CRACR2A: variants seen among roughly 807,000 people sequenced by gnomAD.
CRACR2A encodes the protein EF-hand calcium-binding domain-containing protein 4B.
A neutral mutation model predicts 90.5 loss-of-function variants in CRACR2A; 79 were observed. The ratio of observed to expected loss-of-function variants is 0.87; its 90% CI spans 0.73 to 1.05. The LOEUF (loss-of-function observed/expected upper bound fraction) is 1.05, where lower values mean the gene tolerates loss of function less well. Among genes scored for constraint, CRACR2A ranks in the 50% least tolerant of loss-of-function variants. The pLI is 0.00. For synonymous variants in CRACR2A, 338 were observed against 356.7 expected, an observed-to-expected ratio of 0.95 and a Z score of 0.59; for missense variants, 823 against 897.2, an observed-to-expected ratio of 0.92 and a Z score of 1.06.
chr12:3,689,148 C>A (rs547676060), intron 4 of CRACR2A, among the ~76,000 whole-genome samples: 1 of 152,238 alleles, frequency 6.6e-6, no homozygotes, highest in South Asian at 2.1e-4. Context: ...ACAGGGATAG[C>A]TTGACTTCCT....
intron 15 of CRACR2A, among the ~76,000 whole-genome samples, chr12:3,628,177 CTCTT>C (rs1354625347): frequency 1.8e-4 from 26 of 146,602 alleles, no homozygotes; most frequent in East Asian, 8.6e-4. Flanking sequence ...CTTTCTTTCT[CTCTT>C]TCTTTCTCTC....
At chr12:3,642,595 C>T (rs985517942) in intron 12 of CRACR2A, among the ~76,000 whole-genome samples, 8 of 152,326 alleles carry the variant, frequency 5.3e-5, no homozygotes, top group African/African-American at 1.4e-4. Flanking sequence ...TGGCTCCAAT[C>T]CCTTTTTATT....
intron 9 of CRACR2A, 91 bp downstream of exon 9, chr12:3,656,220 C>T: frequency 7.8e-7 from 1 of 1,280,546 alleles, no homozygotes; most frequent in Non-Finnish European, 1.1e-6. Flanking sequence ...ACTCAAAAGT[C>T]CTTAAGTGAA....
chr12:3,721,585 C>A (rs370380539), intron 2 of CRACR2A, among the ~76,000 whole-genome samples: 509 of 113,384 alleles, frequency 4.5e-3, no homozygotes, highest in South Asian at 5.4e-3. Flanking sequence ...AATCATGTCT[C>A]AAAAAAAAAA....
rs773387612 is a variant in CRACR2A at position 3,654,362 on chromosome 12, T to C, written c.896A>G (p.His299Arg). 1 of 1,613,168 alleles carries C rather than the reference T, an allele frequency of 6.2e-7. No individual in the cohort carries two copies. The highest frequency in any genetic ancestry group is 1.7e-5 in the Admixed American group (1 of 59,706). ...GQCTALHHDKHETKAENTKLK... is the reference protein window; with the variant it reads ...GQCTALHHDKRETKAENTKLK... ...CTTGGTATTCTCAGCCTTGGTCTCATGCTTGTCATGATGCAGGGCTGTGCA... is the reference window on the plus strand; with the variant it reads ...CTTGGTATTCTCAGCCTTGGTCTCACGCTTGTCATGATGCAGGGCTGTGCA... The change falls in exon 10 of 20, where the codon CAT (histidine) becomes CGT (arginine). Residue 299 changes from histidine (H) to arginine (R), a missense_variant. Transcript: ENST00000440314.
At chr12:3,747,802 T>A (rs1946648340) in intron 1 of CRACR2A, among the ~76,000 whole-genome samples, 1 of 152,198 alleles carries the variant, frequency 6.6e-6, no homozygotes, top group African/African-American at 2.4e-5. Context: ...GGTGCACCTG[T>A]AGCACGTGTG....
intron 5 of CRACR2A, among the ~76,000 whole-genome samples, chr12:3,679,809 T>C (rs1447842378): frequency 6.6e-6 from 1 of 152,252 alleles, no homozygotes; most frequent in African/African-American, 2.4e-5. Flanking sequence ...ATTCCTCTGA[T>C]AGCTGTTATC....
intron 3 of CRACR2A, among the ~76,000 whole-genome samples, chr12:3,709,747 GGCCT>G (rs1263737066): frequency 3.3e-5 from 5 of 152,304 alleles, no homozygotes; most frequent in African/African-American, 1.2e-4. Flanking sequence ...ACTGCACTCT[GGCCT>G]GGGCGACAGA....
chr12:3,720,155 A>G (rs1946134729), intron 2 of CRACR2A, among the ~76,000 whole-genome samples: 2 of 122,130 alleles, frequency 1.6e-5, no homozygotes, highest in Non-Finnish European at 3.4e-5. Flanking sequence ...GAAAGAAAGA[A>G]AGAGAGAGAG....
intron 12 of CRACR2A, among the ~76,000 whole-genome samples, chr12:3,643,137 T>C (rs1944604039): frequency 6.6e-6 from 1 of 150,590 alleles, no homozygotes; most frequent in African/African-American, 2.4e-5. Context: ...ATAACCATTA[T>C]CATCATCAAA....
chr12:3,679,243 T>C, intron 5 of CRACR2A, 145 bp from the exon 6 acceptor site: 1 of 744,974 alleles, frequency 1.3e-6, no homozygotes, highest in Non-Finnish European at 2.1e-6. Context: ...TCCATGGACA[T>C]GGGTCCGTGG....
At chr12:3,639,366 G>T (rs546068422) in intron 13 of CRACR2A, among the ~76,000 whole-genome samples, 149 of 151,946 alleles carry the variant, frequency 9.8e-4, no homozygotes, top group African/African-American at 3.4e-3. Context: ...TCAATGCAGG[G>T]TCTGTATTTT....
intron 9 of CRACR2A, among the ~76,000 whole-genome samples, 166 bp downstream of exon 9, chr12:3,656,145 T>C (rs59802147): frequency 0.019 from 2,923 of 152,288 alleles, 90 homozygotes; most frequent in African/African-American, 0.066. Flanking sequence ...AGGTTTTATG[T>C]TGGGATCACC....
At chr12:3,733,678 A>C (rs1370897728) in intron 1 of CRACR2A, among the ~76,000 whole-genome samples, 2 of 152,082 alleles carry the variant, frequency 1.3e-5, no homozygotes, top group Admixed American at 1.3e-4. Flanking sequence ...AGACAACACC[A>C]ATGTCACCCT....
intron 14 of CRACR2A, among the ~76,000 whole-genome samples, chr12:3,636,427 G>A (rs1485284192): frequency 6.6e-6 from 1 of 152,242 alleles, no homozygotes; most frequent in African/African-American, 2.4e-5. Flanking sequence ...AAGTGAGAGA[G>A]CTCAGTGAGG....
intron 7 of CRACR2A, among the ~76,000 whole-genome samples, chr12:3,670,148 G>A (rs1374072675): frequency 3.9e-5 from 6 of 152,170 alleles, no homozygotes; most frequent in African/African-American, 1.2e-4. Context: ...GTGCTGGTTC[G>A]ATGCTAGCTA....
At chr12:3,734,501 G>A (rs1024603131) in intron 1 of CRACR2A, among the ~76,000 whole-genome samples, 3 of 152,050 alleles carry the variant, frequency 2.0e-5, no homozygotes, top group Non-Finnish European at 4.4e-5. Context: ...AAGGAAACAC[G>A]ATCAGTAGCT....
At chr12:3,620,930 C>A (rs747327592) in intron 17 of CRACR2A, among the ~76,000 whole-genome samples, 6 of 152,208 alleles carry the variant, frequency 3.9e-5, no homozygotes, top group Non-Finnish European at 8.8e-5. Flanking sequence ...ATATATGGAA[C>A]CCTGTGGCCC....
intron 18 of CRACR2A, among the ~76,000 whole-genome samples, chr12:3,618,251 T>A (rs1294301977): frequency 6.6e-6 from 1 of 152,074 alleles, no homozygotes; most frequent in Non-Finnish European, 1.5e-5. Flanking sequence ...TTTCTGAATC[T>A]TAGAAAGGTA....
Sources: gnomAD v4.1 joint callset for allele counts (sites outside exome capture counted in the v4.1 genomes callset) on GRCh38, gnomAD v4.1.1 for gene constraint, MANE v1.5 for transcripts, NCBI Gene and HGNC (gene_info 2026-07-23, HGNC 2026-07-21) for gene names.